SH2D4A: variants seen among roughly 807,000 people sequenced by gnomAD.
SH2D4A encodes SH2 domain-containing protein 4A.
SH2D4A carries 70 observed loss-of-function variants against 64.7 expected under a neutral mutation model. The ratio of observed to expected loss-of-function variants is 1.08; its 90% CI spans 0.89 to 1.32. The LOEUF is 1.32. Among genes scored for constraint, SH2D4A ranks in the 40% most tolerant of loss-of-function variants. The pLI is 0.00. For synonymous variants in SH2D4A, 268 were observed against 200.7 expected (o/e 1.34, Z -2.83); for missense variants, 706 against 540.1 (o/e 1.31, Z -3.04).
intron 7 of SH2D4A, among the ~76,000 whole-genome samples, chr8:19,371,473 T>G (rs2053094627): frequency 6.6e-6 from 1 of 152,124 alleles, no homozygotes; most frequent in Admixed American, 6.6e-5. Context: ...ATTTGCTGCT[T>G]TTCTTTAGCT....
At chr8:19,340,670 A>G (rs542460120) in intron 4 of SH2D4A, among the ~76,000 whole-genome samples, 4 of 147,608 alleles carry the variant, frequency 2.7e-5, no homozygotes, top group African/African-American at 7.6e-5. Context: ...CAGTGGCACA[A>G]TCATAAGCTA....
At chr8:19,387,528 C>A (rs371927479) in intron 8 of SH2D4A, among the ~76,000 whole-genome samples, 1 of 152,222 alleles carries the variant, frequency 6.6e-6, no homozygotes, top group African/African-American at 2.4e-5. Flanking sequence ...GCATGAGACA[C>A]GGCATCTGGC....
intron 2 of SH2D4A, among the ~76,000 whole-genome samples, chr8:19,326,749 C>T (rs1378762112): frequency 1.3e-5 from 2 of 152,134 alleles, no homozygotes; most frequent in Non-Finnish European, 2.9e-5. Flanking sequence ...GATTGCCCAT[C>T]AGGTTGAATC....
intron 6 of SH2D4A, among the ~76,000 whole-genome samples, chr8:19,362,502 G>A (rs1033053066): frequency 1.3e-5 from 2 of 152,178 alleles, no homozygotes; most frequent in Admixed American, 6.5e-5. Context: ...CCTTTTGGGA[G>A]GCCAAGGTGG....
At chr8:19,385,603 C>A (rs1252505799) in intron 8 of SH2D4A, among the ~76,000 whole-genome samples, 2 of 152,100 alleles carry the variant, frequency 1.3e-5, no homozygotes, top group Non-Finnish European at 2.9e-5. Flanking sequence ...ATTGTTGTTC[C>A]CTAGAGATGG....
chr8:19,366,191 GTATT>G (rs2052990966), intron 7 of SH2D4A, among the ~76,000 whole-genome samples: 1 of 152,108 alleles, frequency 6.6e-6, no homozygotes, highest in Non-Finnish European at 1.5e-5. Context: ...ATAATTGTAT[GTATT>G]TATGGGATAC....
intron 4 of SH2D4A, among the ~76,000 whole-genome samples, chr8:19,353,309 A>G (rs1382761767): frequency 6.6e-6 from 1 of 151,174 alleles, no homozygotes; most frequent in Non-Finnish European, 1.5e-5. Context: ...GGTATTACTG[A>G]GGTATACCCT....
At chr8:19,372,215 AT>A (rs2053113855) in intron 7 of SH2D4A, among the ~76,000 whole-genome samples, 1 of 152,128 alleles carries the variant, frequency 6.6e-6, no homozygotes, top group African/African-American at 2.4e-5. Context: ...GAATTCTTAA[AT>A]TGTTTCCTGA....
At chr8:19,389,040 G>C (rs2053438323) in intron 8 of SH2D4A, among the ~76,000 whole-genome samples, 1 of 152,178 alleles carries the variant, frequency 6.6e-6, no homozygotes, top group Non-Finnish European at 1.5e-5. Context: ...GATGGAGGTG[G>C]GAGCAGGTGC....
intron 7 of SH2D4A, among the ~76,000 whole-genome samples, chr8:19,365,048 TGAAA>T (rs2052969321): frequency 6.6e-6 from 1 of 152,206 alleles, no homozygotes; most frequent in Admixed American, 6.5e-5. Flanking sequence ...AAATGTTGAT[TGAAA>T]GAAACAGAAT....
At chr8:19,360,390 G>C (rs1242586690) in intron 5 of SH2D4A, among the ~76,000 whole-genome samples, 1 of 151,718 alleles carries the variant, frequency 6.6e-6, no homozygotes, top group African/African-American at 2.4e-5. Flanking sequence ...TGAGGCAGTG[G>C]ATCACTTGAG....
rs1189985816 is a variant in SH2D4A, at chr8:19,332,857, A to T, written c.182-98A>T. 3.5e-5 allele frequency: 39 copies of T among 1,124,964 alleles called. 1 individual carries two copies. Among genetic ancestry groups the T allele is most frequent in the Admixed American group, 9.8e-5 (4 of 40,928 alleles). The allele number at this position is 1,124,964 out of a possible 1,614,324, so 69.7% of individuals were successfully genotyped here. On this transcript the variant is annotated intron_variant, in intron 2 of 9. Coordinates refer to ENST00000265807, the MANE Select transcript of SH2D4A (RefSeq NM_022071.4). ...TGTCTCATCTGATATATATATATAT[A>T]TTTTCAAAGACCCAAAATACTTTAG...
Position 19,393,429 on chromosome 8 carries a change from CGGA to C in SH2D4A, c.1164_1166del (p.Glu388del). ...AAAGGCTATGCCCTGTCCTATCTGTCGGAGGACGGCTGTAAACATTTCCTCATC... is the reference window on the plus strand; with the variant it reads ...AAAGGCTATGCCCTGTCCTATCTGTCGGACGGCTGTAAACATTTCCTCATC... On this transcript the variant is annotated inframe_deletion, in exon 9 of 10. Transcript: ENST00000265807. 6.2e-7 allele frequency: 1 copy of C among 1,614,224 alleles called. No individual in the cohort carries two copies. Among genetic ancestry groups the C allele is most frequent in the Non-Finnish European group, 8.5e-7 (1 of 1,180,048 alleles).
chr8:19,348,634 G>A (rs548850390), intron 4 of SH2D4A, among the ~76,000 whole-genome samples: 15 of 152,290 alleles, frequency 9.8e-5, no homozygotes, highest in South Asian at 8.3e-4. Context: ...ATCAGAAGAC[G>A]TCTTTGAAAG....
Position 19,393,569 on chromosome 8 carries a change from C to T in SH2D4A, c.1272+28C>T, listed in dbSNP as rs199792193. 53 of 1,606,004 alleles carry T rather than the reference C, an allele frequency of 3.3e-5. No homozygotes were observed. The East Asian group carries it at 8.7e-4, about 26-fold the overall frequency. On this transcript the variant is annotated intron_variant, in intron 9 of 9. Transcript: ENST00000265807. ...GAAGCAATGCATAAACTTAATTTGC[C>T]TTCTGAGTTACTGTCCTGTAGCAGC...
intron 8 of SH2D4A, among the ~76,000 whole-genome samples, chr8:19,389,144 T>C (rs186460757): frequency 3.6e-4 from 55 of 152,262 alleles, no homozygotes; most frequent in Non-Finnish European, 6.5e-4. Flanking sequence ...GAGTAGGAGT[T>C]TTCCAGGAGG....
chr8:19,335,763 T>C (rs1461347211), intron 4 of SH2D4A, among the ~76,000 whole-genome samples: 2 of 152,234 alleles, frequency 1.3e-5, no homozygotes, highest in Non-Finnish European at 2.9e-5. Flanking sequence ...CCCAACATAA[T>C]AGAAATTTTA....
At chr8:19,367,692 T>C (rs1167047132) in intron 7 of SH2D4A, among the ~76,000 whole-genome samples, 2 of 152,212 alleles carry the variant, frequency 1.3e-5, no homozygotes, top group South Asian at 4.1e-4. Context: ...TGTTGATTGT[T>C]TCCTTTGCTG....
At chr8:19,378,377 CTATT>C (rs2053231439) in intron 8 of SH2D4A, among the ~76,000 whole-genome samples, 1 of 152,158 alleles carries the variant, frequency 6.6e-6, no homozygotes, top group Admixed American at 6.5e-5. Context: ...CATGGAGACT[CTATT>C]TATTATGTAA....
Sources: gnomAD v4.1 joint callset for allele counts (sites outside exome capture counted in the v4.1 genomes callset) on GRCh38, gnomAD v4.1.1 for gene constraint, MANE v1.5 for transcripts, NCBI Gene and HGNC (gene_info 2026-07-23, HGNC 2026-07-21) for gene names.